The following EFCAB11 variants were observed in gnomAD, a reference collection of about 807,000 sequenced individuals.
EFCAB11 encodes the protein EF-hand calcium-binding domain-containing protein 11.
EFCAB11 carries 14 observed loss-of-function variants against 23.0 expected under a neutral mutation model. The observed-to-expected ratio is 0.61, with a 90% CI of 0.40 to 0.95. EFCAB11 has a LOEUF of 0.95. EFCAB11 is among the 40% of genes least tolerant of loss of function. The probability of loss-of-function intolerance (pLI) is 0.00; values close to 1 mark genes in which losing one functional copy is unlikely to be tolerated. For missense variants in EFCAB11, 198 were observed against 195.8 expected (o/e 1.01, Z -0.07); for synonymous variants, 65 against 66.6 (o/e 0.98, Z 0.11).
chr14:89,904,234 T>A (rs1017223925), intron 5 of EFCAB11, among the ~76,000 whole-genome samples: 1 of 152,172 alleles, frequency 6.6e-6, no homozygotes, highest in Non-Finnish European at 1.5e-5. Flanking sequence ...AGTGTTTGGT[T>A]TTCTGTCCTT....
intron 2 of EFCAB11, among the ~76,000 whole-genome samples, chr14:89,953,210 A>G (rs1430508747): frequency 6.6e-6 from 1 of 151,842 alleles, no homozygotes; most frequent in Non-Finnish European, 1.5e-5. Context: ...GTTGGCAGAA[A>G]AAAAAAAAAA....
intron 5 of EFCAB11, among the ~76,000 whole-genome samples, chr14:89,872,656 C>T (rs1176579938): frequency 1.3e-5 from 2 of 152,130 alleles, no homozygotes; most frequent in East Asian, 1.9e-4. Context: ...GAAGTCCTAA[C>T]CTCCCAGCAC....
At chr14:89,951,849 T>C (rs1460881016) in intron 2 of EFCAB11, among the ~76,000 whole-genome samples, 2 of 152,072 alleles carry the variant, frequency 1.3e-5, no homozygotes, top group East Asian at 3.9e-4. Context: ...TGCTTGAACC[T>C]GGAAAGTGGA....
chr14:89,934,851 G>A (rs779896579), intron 3 of EFCAB11, among the ~76,000 whole-genome samples: 3 of 152,156 alleles, frequency 2.0e-5, no homozygotes, highest in East Asian at 1.9e-4. Context: ...TAGAGTAGCC[G>A]AAATTCTTGA....
At position 89,866,200 on chromosome 14, in the gene EFCAB11, T is replaced by C. The variant is rs542219341; in HGVS notation, c.410+65341A>G. ...GGATTTTAGACACCGTCAGGGATGG[T>C]TGGAAAGACATTTTTGGGCAGGGGC... On this transcript the variant is annotated intron_variant, in intron 5 of 5. Transcript: ENST00000316738. 1.4e-4 allele frequency among the ~76,000 whole-genome samples: 21 copies of C among 152,306 alleles called. No individual in the cohort carries two copies. The South Asian group carries it at 3.9e-3, about 29-fold the overall frequency.
intron 5 of EFCAB11, among the ~76,000 whole-genome samples, chr14:89,917,046 CATGCTTCGTGTGTGT>C (rs1269355807): frequency 6.9e-6 from 1 of 145,206 alleles, no homozygotes; most frequent in Admixed American, 7.2e-5. Flanking sequence ...CATCACCTGA[CATGCTTCGTGTGTGT>C]GTGTGTGTGT....
chr14:89,929,232 T>C (rs1890307506), intron 5 of EFCAB11, among the ~76,000 whole-genome samples: 1 of 152,018 alleles, frequency 6.6e-6, no homozygotes, highest in South Asian at 2.1e-4. Context: ...TTTTGTATTT[T>C]GTGTAGAGAC....
At chr14:89,817,998 T>C (rs1566770040) in intron 5 of EFCAB11, among the ~76,000 whole-genome samples, 1 of 66,980 alleles carries the variant, frequency 1.5e-5, no homozygotes, top group East Asian at 1.1e-3. Flanking sequence ...TGTCTCAAAA[T>C]AAATAAATAA....
chr14:89,891,484 A>T (rs1194038282), intron 5 of EFCAB11, among the ~76,000 whole-genome samples: 2 of 152,184 alleles, frequency 1.3e-5, no homozygotes, highest in Non-Finnish European at 2.9e-5. Flanking sequence ...AAAACAATGT[A>T]TTGTCAGAAG....
In EFCAB11 at chr14:89,932,574, G is replaced by A. The variant is rs748301772; in HGVS notation, c.271C>T (p.Arg91Ter). ...ATGTGTCTTACTTCGTTCCGATATC[G>A]TTGAGCTTCCTTCTTTTTCCTGACA... ...NIVRKKKEAQ[R>*]YRNEVRHIFT... The change falls in exon 4 of 6, where the codon CGA (arginine) becomes TGA (stop). Residue 91 changes from arginine to a stop codon, truncating the protein, a stop_gained. Coordinates refer to ENST00000316738, the MANE Select transcript of EFCAB11 (RefSeq NM_145231.4). LOFTEE classifies it high-confidence loss of function. The A allele has an allele frequency of 1.2e-5, 19 of 1,613,736 alleles. No individual in the cohort carries two copies. The highest frequency in any genetic ancestry group is 3.3e-4 in the Middle Eastern group (2 of 6,054).
chr14:89,875,335 G>A (rs1308146253), intron 5 of EFCAB11, among the ~76,000 whole-genome samples: 2 of 152,148 alleles, frequency 1.3e-5, no homozygotes, highest in South Asian at 2.1e-4. Context: ...ACCTCCCACT[G>A]GGTCCCTCCC....
intron 2 of EFCAB11, among the ~76,000 whole-genome samples, chr14:89,952,981 G>C (rs1010755129): frequency 6.6e-6 from 1 of 152,202 alleles, no homozygotes; most frequent in Non-Finnish European, 1.5e-5. Flanking sequence ...AAAGCATAAA[G>C]ACAGGGGTGA....
intron 5 of EFCAB11, among the ~76,000 whole-genome samples, chr14:89,902,050 C>G (rs1889355688): frequency 6.6e-6 from 1 of 152,148 alleles, no homozygotes; most frequent in African/African-American, 2.4e-5. Context: ...GCACCCATGA[C>G]TAACACAGCA....
At chr14:89,929,062 T>TATATATATATATATATATA (rs1890299425) in intron 5 of EFCAB11, among the ~76,000 whole-genome samples, 1 of 134,322 alleles carries the variant, frequency 7.4e-6, no homozygotes, top group Admixed American at 8.1e-5. Flanking sequence ...CACATATTTT[T>TATATATATATATATATATA]TTTTAGGAGG....
intron 3 of EFCAB11, among the ~76,000 whole-genome samples, chr14:89,947,830 A>C (rs1475664748): frequency 6.6e-6 from 1 of 152,086 alleles, no homozygotes; most frequent in East Asian, 1.9e-4. Flanking sequence ...TCATGATTTT[A>C]AAATCTGTCT....
intron 5 of EFCAB11, among the ~76,000 whole-genome samples, chr14:89,888,032 A>G (rs1888847366): frequency 2.6e-5 from 4 of 152,216 alleles, no homozygotes; most frequent in Admixed American, 2.6e-4. Context: ...CCCTTAAGTC[A>G]CTGTTCAACA....
At chr14:89,954,271 T>A (rs778653515) in intron 1 of EFCAB11, 6 of 1,395,716 alleles carry the variant, frequency 4.3e-6, no homozygotes, top group Non-Finnish European at 5.9e-6. Context: ...AGATAAATTC[T>A]ACCCAAAATT....
intron 5 of EFCAB11, among the ~76,000 whole-genome samples, chr14:89,856,887 A>G (rs1258350984): frequency 6.6e-6 from 1 of 152,226 alleles, no homozygotes; most frequent in Non-Finnish European, 1.5e-5. Flanking sequence ...AGACCCTTTT[A>G]TCCAATCAAC....
chr14:89,893,707 C>CTT (rs1185220113), intron 5 of EFCAB11, among the ~76,000 whole-genome samples: 1 of 151,596 alleles, frequency 6.6e-6, no homozygotes, highest in Non-Finnish European at 1.5e-5. Flanking sequence ...CCCAATCCTG[C>CTT]TTCCTTTTCT....
Sources: gnomAD v4.1 joint callset for allele counts (sites outside exome capture counted in the v4.1 genomes callset) on GRCh38, gnomAD v4.1.1 for gene constraint, MANE v1.5 for transcripts, NCBI Gene and HGNC (gene_info 2026-07-23, HGNC 2026-07-21) for gene names.